Variants in CLHC1 observed in about 807,000 individuals in gnomAD.
The protein encoded by CLHC1 is clathrin heavy chain linker domain containing 1, also known as clathrin heavy chain linker domain-containing protein 1.
A neutral mutation model predicts 69.5 loss-of-function variants in CLHC1; 72 were observed. That is an observed-to-expected ratio of 1.04 (90% CI 0.86 to 1.26). The LOEUF is 1.26. Among genes scored for constraint, CLHC1 ranks in the 50% most tolerant of loss-of-function variants. The pLI is 0.00. For missense variants in CLHC1, 790 were observed against 679.3 expected, an observed-to-expected ratio of 1.16 and a Z score of -1.81; for synonymous variants, 223 against 224.3, an observed-to-expected ratio of 0.99 and a Z score of 0.05.
chr2:55,229,039 T>G (rs1674989392), intron 1 of CLHC1, among the ~76,000 whole-genome samples: 2 of 150,738 alleles, frequency 1.3e-5, no homozygotes, highest in African/African-American at 4.9e-5. Context: ...TAATCCCAGC[T>G]ACTTAGGTGG....
chr2:55,197,449 A>C (rs1166568857), intron 9 of CLHC1, among the ~76,000 whole-genome samples: 1 of 152,202 alleles, frequency 6.6e-6, no homozygotes, highest in Admixed American at 6.5e-5. Context: ...GCTGGTGACC[A>C]CAGTGGTGCT....
chr2:55,217,382 G>A (rs1203319973), intron 4 of CLHC1, among the ~76,000 whole-genome samples: 1 of 149,434 alleles, frequency 6.7e-6, no homozygotes, highest in African/African-American at 2.5e-5. Context: ...AATTAGCTGG[G>A]CATGGTGGCA....
At chr2:55,212,107 T>C (rs1673068601) in intron 5 of CLHC1, among the ~76,000 whole-genome samples, 1 of 151,832 alleles carries the variant, frequency 6.6e-6, no homozygotes, top group Non-Finnish European at 1.5e-5. Context: ...TGAAACCTCA[T>C]CTCCACTAAA....
intron 1 of CLHC1, among the ~76,000 whole-genome samples, chr2:55,230,878 G>A (rs1558531696): frequency 6.6e-6 from 1 of 152,182 alleles, no homozygotes; most frequent in Non-Finnish European, 1.5e-5. Flanking sequence ...CAACGGAAGG[G>A]AAAGATTAGA....
chr2:55,217,734 C>A, intron 4 of CLHC1, 77 bp downstream of exon 4: 1 of 853,128 alleles, frequency 1.2e-6, no homozygotes. Flanking sequence ...TAAGAACCAC[C>A]AGCTAGAGTT....
intron 9 of CLHC1, among the ~76,000 whole-genome samples, chr2:55,185,967 G>A (rs1670376953): frequency 6.6e-6 from 1 of 152,144 alleles, no homozygotes. Flanking sequence ...TAAAAAATAA[G>A]TATTTTAAGA....
At chr2:55,177,542 C>T (rs1669508484) in intron 12 of CLHC1, 60 bp downstream of exon 12, 5 of 1,273,598 alleles carry the variant, frequency 3.9e-6, no homozygotes, top group Non-Finnish European at 4.3e-6. Flanking sequence ...GCATAACCAT[C>T]TTGAACCTCT....
chr2:55,231,751 T>G (rs1025435624), intron 1 of CLHC1, among the ~76,000 whole-genome samples: 3 of 152,204 alleles, frequency 2.0e-5, no homozygotes, highest in Non-Finnish European at 4.4e-5. Flanking sequence ...AAACTTCCTC[T>G]CAGATCCAAG....
chr2:55,217,937 G>A lies in CLHC1; in HGVS notation c.239C>T (p.Ala80Val). ...GTCTTTCTTTATTGTCTCAATAAAG[G>A]CATCATATTCTTTTTTGATTGAAGT... ...ILTSIKKEYD[A>V]FIETIKKDRR... The change falls in exon 4 of 13, where the codon GCC (alanine) becomes GTC (valine). Residue 80 changes from alanine (A) to valine (V), a missense_variant. Ala to Val is a moderately conservative substitution (Grantham distance 64). Coordinates refer to ENST00000401408, the MANE Select transcript of CLHC1 (RefSeq NM_152385.4). The A allele has an allele frequency of 1.3e-6, 2 of 1,588,312 alleles. No individual in the cohort carries two copies. Among genetic ancestry groups the A allele is most frequent in the Non-Finnish European group, 1.7e-6 (2 of 1,164,842 alleles).
intron 3 of CLHC1, among the ~76,000 whole-genome samples, chr2:55,218,787 G>T (rs545644344): frequency 6.6e-6 from 1 of 152,250 alleles, no homozygotes; most frequent in Non-Finnish European, 1.5e-5. Context: ...AATAATGTAT[G>T]GTTTCTAAAT....
Position 55,206,394 on chromosome 2 carries a change from TA to T in CLHC1, c.900-19del, listed in dbSNP as rs764775568. 7.6e-7 allele frequency: 1 copy of T among 1,322,450 alleles called. No individual in the cohort carries two copies. The highest frequency in any genetic ancestry group is 1.1e-6 in the Non-Finnish European group (1 of 916,940). 81.9% of individuals were successfully genotyped at this position (1,322,450 alleles called of 1,614,324 possible). A position where few individuals can be genotyped will look rare whatever the true frequency, so the allele number is the denominator to read the frequency against. On this transcript the variant is annotated intron_variant, in intron 8 of 12. Coordinates refer to ENST00000401408, the MANE Select transcript of CLHC1 (RefSeq NM_152385.4). ...CATTAAACCTATAGCCATCACATTT[TA>T]AAATGCATTATAATGACACAAAGAA...
chr2:55,197,896 C>G (rs1020348933), intron 9 of CLHC1, among the ~76,000 whole-genome samples: 1 of 152,086 alleles, frequency 6.6e-6, no homozygotes, highest in Non-Finnish European at 1.5e-5. Flanking sequence ...AGATATGTAA[C>G]CTTTCAGGCA....
intron 2 of CLHC1, among the ~76,000 whole-genome samples, chr2:55,223,154 C>CT (rs1432895053): frequency 6.6e-6 from 1 of 152,042 alleles, no homozygotes; most frequent in Non-Finnish European, 1.5e-5. Flanking sequence ...TTGTAAGCCT[C>CT]TTGACACAAA....
chr2:55,219,233 T>C (rs1046341112), intron 3 of CLHC1, among the ~76,000 whole-genome samples: 1 of 152,102 alleles, frequency 6.6e-6, no homozygotes, highest in Admixed American at 6.6e-5. Flanking sequence ...TATTAATGAG[T>C]AGGTAATAAA....
rs958645269 is a variant in CLHC1, at chr2:55,184,828, C to T, written c.1007-3084G>A. 1.8e-4 allele frequency among the ~76,000 whole-genome samples: 27 copies of T among 151,586 alleles called. 1 individual carries two copies. Among genetic ancestry groups the T allele is most frequent in the African/African-American group, 6.1e-4 (25 of 41,288 alleles). On this transcript the variant is annotated intron_variant, in intron 9 of 12. Transcript: ENST00000401408. ...GCTGAGGCAGGAGAATCGCTTGAACCCAGGAAGCGGAGGTTGCAGTGAGCT... is the reference window on the plus strand; with the variant it reads ...GCTGAGGCAGGAGAATCGCTTGAACTCAGGAAGCGGAGGTTGCAGTGAGCT...
At chr2:55,197,386 G>C (rs1261458504) in intron 9 of CLHC1, among the ~76,000 whole-genome samples, 1 of 152,204 alleles carries the variant, frequency 6.6e-6, no homozygotes, top group Non-Finnish European at 1.5e-5. Flanking sequence ...AGTGGGCCTT[G>C]GACAAGACCC....
At chr2:55,182,086 T>C (rs1669993045) in intron 9 of CLHC1, among the ~76,000 whole-genome samples, 2 of 152,012 alleles carry the variant, frequency 1.3e-5, no homozygotes. Context: ...TTCAGAGCTC[T>C]GGCCTCCAGA....
intron 4 of CLHC1, among the ~76,000 whole-genome samples, chr2:55,213,329 T>C (rs1673188647): frequency 6.6e-6 from 1 of 152,226 alleles, no homozygotes; most frequent in South Asian, 2.1e-4. Context: ...ATCACTTCAG[T>C]CTCTGCCTCT....
chr2:55,200,614 A>G (rs1671859253), intron 9 of CLHC1, among the ~76,000 whole-genome samples: 1 of 152,174 alleles, frequency 6.6e-6, no homozygotes, highest in African/African-American at 2.4e-5. Flanking sequence ...TCAGCACTGG[A>G]CAGATCATCC....
Sources: allele counts gnomAD v4.1 joint callset (sites outside exome capture counted in the v4.1 genomes callset), GRCh38; gene constraint gnomAD v4.1.1; transcripts MANE v1.5; gene names NCBI Gene and HGNC (gene_info 2026-07-23, HGNC 2026-07-21).